Variants in ADAM32 observed in about 807,000 individuals in gnomAD.
ADAM32 encodes the protein disintegrin and metalloproteinase domain-containing protein 32.
ADAM32 carries 89 observed loss-of-function variants against 114.9 expected under a neutral mutation model. That is an observed-to-expected ratio of 0.77 (90% CI 0.65 to 0.92). The LOEUF is 0.92. ADAM32 is among the 40% of genes least tolerant of loss of function. The pLI is 0.00. For synonymous variants in ADAM32, 285 were observed against 307.5 expected, an observed-to-expected ratio of 0.93 and a Z score of 0.77; for missense variants, 870 against 932.8, an observed-to-expected ratio of 0.93 and a Z score of 0.88.
chr8:39,187,275 G>T (rs951227601), intron 11 of ADAM32, among the ~76,000 whole-genome samples: 35 of 142,112 alleles, frequency 2.5e-4, no homozygotes, highest in Non-Finnish European at 4.8e-4. Context: ...AAAGCACTTA[G>T]TATGGATTTT....
chr8:39,122,544 C>G (rs1420432321), intron 2 of ADAM32, among the ~76,000 whole-genome samples: 1 of 152,212 alleles, frequency 6.6e-6, no homozygotes, highest in African/African-American at 2.4e-5. Flanking sequence ...TCTTGGATTT[C>G]TAACATCCAG....
At chr8:39,184,634 T>C (rs1290237635) in intron 10 of ADAM32, among the ~76,000 whole-genome samples, 1 of 152,158 alleles carries the variant, frequency 6.6e-6, no homozygotes, top group Non-Finnish European at 1.5e-5. Flanking sequence ...TAGCTACAGG[T>C]CCCTCTGTGG....
At chr8:39,205,600 C>T (rs924582392) in intron 11 of ADAM32, among the ~76,000 whole-genome samples, 2 of 152,202 alleles carry the variant, frequency 1.3e-5, no homozygotes, top group African/African-American at 4.8e-5. Flanking sequence ...CCTGCTTCGC[C>T]TCACACTTGG....
At chr8:39,171,316 A>G (rs1380094564) in intron 10 of ADAM32, among the ~76,000 whole-genome samples, 1 of 152,176 alleles carries the variant, frequency 6.6e-6, no homozygotes, top group Non-Finnish European at 1.5e-5. Flanking sequence ...CAAAATAGCT[A>G]GAGGACAAGA....
intron 11 of ADAM32, among the ~76,000 whole-genome samples, chr8:39,203,271 C>T (rs1807564713): frequency 6.6e-6 from 1 of 152,072 alleles, no homozygotes; most frequent in African/African-American, 2.4e-5. Context: ...GAGTCTAAGT[C>T]TCTTTGTAGG....
intron 14 of ADAM32, among the ~76,000 whole-genome samples, chr8:39,224,845 C>T (rs1390431786): frequency 6.6e-6 from 1 of 152,072 alleles, no homozygotes; most frequent in Non-Finnish European, 1.5e-5. Flanking sequence ...CATCTAAGAA[C>T]CCTCTGGCAG....
chr8:39,130,735 T>G, intron 2 of ADAM32: 1 of 331,062 alleles, frequency 3.0e-6, no homozygotes, highest in South Asian at 2.4e-5. Context: ...CTAATTTAAT[T>G]CAATTGAAGC....
At chr8:39,248,961 G>A (rs950743213) in intron 17 of ADAM32, among the ~76,000 whole-genome samples, 16 of 148,940 alleles carry the variant, frequency 1.1e-4, no homozygotes, top group African/African-American at 3.7e-4. Context: ...GGAGTGCAGT[G>A]GCATAATCTC....
chr8:39,239,945 G>A (rs770840474), intron 16 of ADAM32, among the ~76,000 whole-genome samples: 16 of 152,138 alleles, frequency 1.1e-4, no homozygotes, highest in Middle Eastern at 3.4e-3. Flanking sequence ...CTTGATAGAC[G>A]TAAGAAATGA....
At chr8:39,120,646 C>T (rs1346962337) in intron 2 of ADAM32, among the ~76,000 whole-genome samples, 2 of 151,146 alleles carry the variant, frequency 1.3e-5, no homozygotes, top group African/African-American at 4.9e-5. Flanking sequence ...CCTGTAGTCC[C>T]AGCTACTCGG....
chr8:39,262,466 A>G (rs2129450937), intron 19 of ADAM32, among the ~76,000 whole-genome samples: 1 of 152,160 alleles, frequency 6.6e-6, no homozygotes, highest in African/African-American at 2.4e-5. Flanking sequence ...GTATATTTTG[A>G]GTCTGGTAGT....
intron 17 of ADAM32, 134 bp downstream of exon 17, chr8:39,246,300 T>A: frequency 1.4e-6 from 1 of 691,276 alleles, no homozygotes. Flanking sequence ...AGAGCTGAAT[T>A]AAGTCATTAA....
intron 11 of ADAM32, among the ~76,000 whole-genome samples, chr8:39,191,048 T>TC (rs138127062): frequency 0.16 from 24,727 of 152,180 alleles, 2,561 homozygotes; most frequent in South Asian, 0.31. Flanking sequence ...GATAATGGCC[T>TC]CCAGCTCCAT....
intron 6 of ADAM32, among the ~76,000 whole-genome samples, chr8:39,155,868 C>T (rs533931861): frequency 6.6e-6 from 1 of 151,934 alleles, no homozygotes; most frequent in African/African-American, 2.4e-5. Flanking sequence ...AGTGGTTACT[C>T]TGGATATTAC....
At chr8:39,202,747 C>T (rs1382076891) in intron 11 of ADAM32, among the ~76,000 whole-genome samples, 1 of 152,112 alleles carries the variant, frequency 6.6e-6, no homozygotes, top group Non-Finnish European at 1.5e-5. Flanking sequence ...TAGATCTTTC[C>T]TGCTTTCTCT....
At chr8:39,130,267 A>G (rs1365982055) in intron 2 of ADAM32, among the ~76,000 whole-genome samples, 1 of 151,904 alleles carries the variant, frequency 6.6e-6, no homozygotes. Context: ...TTTATTTCTT[A>G]TTTTGGTAAT....
rs773305482 is a variant in ADAM32, at chr8:39,232,155, A to G, written c.1634+20A>G. ...ATGGAGGTATGCTCTACAAATATAA[A>G]TGATACTTTTCTTATATTCTATTAG... On this transcript the variant is annotated intron_variant, in intron 15 of 24. Transcript: ENST00000379907. 4 of 1,530,744 alleles carry G rather than the reference A, an allele frequency of 2.6e-6. No individual in the cohort carries two copies. The highest frequency in any genetic ancestry group is 4.5e-5 in the East Asian group (2 of 44,204). 94.8% of individuals were successfully genotyped at this position (1,530,744 alleles called of 1,614,324 possible). A position where few individuals can be genotyped will look rare whatever the true frequency, so the allele number is the denominator to read the frequency against.
intron 11 of ADAM32, among the ~76,000 whole-genome samples, chr8:39,198,453 C>CGT (rs1426009662): frequency 6.6e-6 from 1 of 152,164 alleles, no homozygotes; most frequent in Non-Finnish European, 1.5e-5. Flanking sequence ...TCTTGGCTCA[C>CGT]TGCAACCTCT....
intron 2 of ADAM32, among the ~76,000 whole-genome samples, chr8:39,118,702 C>A (rs1840476520): frequency 6.6e-6 from 1 of 152,158 alleles, no homozygotes; most frequent in Non-Finnish European, 1.5e-5. Flanking sequence ...ATTAAGCAAG[C>A]TTTGCTTATA....
Sources: gnomAD v4.1 joint callset for allele counts (sites outside exome capture counted in the v4.1 genomes callset) on GRCh38, gnomAD v4.1.1 for gene constraint, MANE v1.5 for transcripts, NCBI Gene and HGNC (gene_info 2026-07-23, HGNC 2026-07-21) for gene names.